SCAPER: variants seen among roughly 807,000 people sequenced by gnomAD.
The protein encoded by SCAPER is S phase cyclin A-associated protein in the endoplasmic reticulum.
A neutral mutation model predicts 182.2 loss-of-function variants in SCAPER; 98 were observed. That is an observed-to-expected ratio of 0.54 (90% CI 0.46 to 0.64). The LOEUF is 0.64. Ranked by LOEUF, SCAPER falls within the 30% of genes least tolerant of loss-of-function variation. SCAPER has a pLI of 0.00. For missense variants in SCAPER, 1,432 were observed against 1,690.0 expected (o/e 0.85, Z 2.68); for synonymous variants, 605 against 564.6 (o/e 1.07, Z -1.01).
intron 15 of SCAPER, among the ~76,000 whole-genome samples, chr15:76,735,697 CA>C (rs34341849): frequency 0.082 from 8,751 of 106,422 alleles, 190 homozygotes; most frequent in Middle Eastern, 0.12. Context: ...GACTCCGTCT[CA>C]AAAAAAAAAA....
chr15:76,393,574 T>G (rs1567049874), intron 27 of SCAPER, among the ~76,000 whole-genome samples: 1 of 152,220 alleles, frequency 6.6e-6, no homozygotes, highest in Non-Finnish European at 1.5e-5. Context: ...AGGCTATATT[T>G]TTCAAGTATA....
intron 23 of SCAPER, among the ~76,000 whole-genome samples, chr15:76,527,776 C>T (rs2043315894): frequency 6.6e-6 from 1 of 152,200 alleles, no homozygotes; most frequent in Admixed American, 6.5e-5. Context: ...ATTTCTAGTC[C>T]ATAGAAATCC....
chr15:76,721,584 T>TA (rs1887072039), intron 17 of SCAPER, among the ~76,000 whole-genome samples: 1 of 152,156 alleles, frequency 6.6e-6, no homozygotes, highest in Non-Finnish European at 1.5e-5. Context: ...CATTTGTTTG[T>TA]GTCCTCTTTT....
intron 21 of SCAPER, among the ~76,000 whole-genome samples, chr15:76,649,219 G>GTATT (rs1401851660): frequency 6.6e-6 from 1 of 152,162 alleles, no homozygotes; most frequent in African/African-American, 2.4e-5. Context: ...CAAGCCTCGA[G>GTATT]TATTTACCCT....
chr15:76,622,801 G>A (rs1157995868), intron 21 of SCAPER, among the ~76,000 whole-genome samples: 1 of 151,990 alleles, frequency 6.6e-6, no homozygotes, highest in East Asian at 1.9e-4. Flanking sequence ...AATTCAATAT[G>A]GTATTATCCC....
At chr15:76,622,018 CA>C (rs1291383807) in intron 21 of SCAPER, among the ~76,000 whole-genome samples, 189 bp from the exon 22 acceptor site, 3 of 151,792 alleles carry the variant, frequency 2.0e-5, no homozygotes, top group South Asian at 2.1e-4. Context: ...AATAATAATA[CA>C]AAAAAAGTCA....
chr15:76,820,613 T>C (rs1239117890), intron 5 of SCAPER, among the ~76,000 whole-genome samples: 5 of 139,038 alleles, frequency 3.6e-5, no homozygotes, highest in Non-Finnish European at 6.3e-5. Flanking sequence ...GGGGGAGGGA[T>C]AGCATCAGGA....
rs563802748 is a variant in SCAPER at position 76,505,390 on chromosome 15, C to A, written c.2839-416G>T. Among the ~76,000 whole-genome samples the A allele has an allele frequency of 1.2e-3, 190 of 152,238 alleles. 2 individuals are homozygous for A. Among genetic ancestry groups the A allele is most frequent in the African/African-American group, 4.5e-3 (186 of 41,544 alleles). On this transcript the variant is annotated intron_variant, in intron 23 of 31. Transcript: ENST00000563290. Reference sequence around the variant, plus strand: ...CCAGAATATATAAGAGCTCAAACAACTCTGTAGGAAAAAATCTAATAATCC... The same window carrying A: ...CCAGAATATATAAGAGCTCAAACAAATCTGTAGGAAAAAATCTAATAATCC...
chr15:76,753,680 G>A (rs2062233750), intron 15 of SCAPER, 128 bp downstream of exon 15: 1 of 1,039,336 alleles, frequency 9.6e-7, no homozygotes. Flanking sequence ...TTTTAAATGA[G>A]TGTGTAAAAT....
chr15:76,886,442 T>G (rs2073844058), intron 1 of SCAPER, among the ~76,000 whole-genome samples: 1 of 152,172 alleles, frequency 6.6e-6, no homozygotes, highest in Non-Finnish European at 1.5e-5. Context: ...GTTGTGCCAC[T>G]GCACTCCAGC....
chr15:76,589,812 A>G (rs2048971367), intron 22 of SCAPER, among the ~76,000 whole-genome samples: 1 of 152,082 alleles, frequency 6.6e-6, no homozygotes, highest in South Asian at 2.1e-4. Context: ...CTGTGAGACA[A>G]GTCAAAAATG....
intron 22 of SCAPER, among the ~76,000 whole-genome samples, chr15:76,605,962 G>A (rs972538637): frequency 6.6e-5 from 10 of 151,718 alleles, no homozygotes; most frequent in African/African-American, 1.5e-4. Context: ...TGATCTTTTC[G>A]AAAAACCAGC....
chr15:76,664,738 G>T (rs778798492), intron 21 of SCAPER, among the ~76,000 whole-genome samples: 1 of 152,096 alleles, frequency 6.6e-6, no homozygotes, highest in Non-Finnish European at 1.5e-5. Flanking sequence ...AAAATACACC[G>T]TAAAACTATT....
chr15:76,821,156 C>T (rs1332120565), intron 5 of SCAPER, among the ~76,000 whole-genome samples: 2 of 152,186 alleles, frequency 1.3e-5, no homozygotes, highest in Non-Finnish European at 2.9e-5. Context: ...AAACTTACAT[C>T]CACACAAAAA....
At chr15:76,649,546 T>C (rs2054842147) in intron 21 of SCAPER, among the ~76,000 whole-genome samples, 1 of 150,684 alleles carries the variant, frequency 6.6e-6, no homozygotes, top group South Asian at 2.1e-4. Context: ...AATATATATA[T>C]ATGCATTTTT....
chr15:76,782,915 CACA>C (rs1412033998), intron 8 of SCAPER, among the ~76,000 whole-genome samples: 2 of 152,222 alleles, frequency 1.3e-5, no homozygotes, highest in African/African-American at 4.8e-5. Flanking sequence ...ACTAAATGCC[CACA>C]AGAGAAAGCA....
At chr15:76,484,082 G>A (rs2051382667) in intron 24 of SCAPER, among the ~76,000 whole-genome samples, 2 of 152,252 alleles carry the variant, frequency 1.3e-5, no homozygotes, top group South Asian at 4.1e-4. Context: ...AAACTTAGAA[G>A]CAACTAAGCT....
chr15:76,899,152 C>T (rs968473450), intron 1 of SCAPER, among the ~76,000 whole-genome samples: 87 of 152,018 alleles, frequency 5.7e-4, no homozygotes, highest in African/African-American at 2.0e-3. Flanking sequence ...TGGATATGCT[C>T]TCCCTCTCCC....
intron 30 of SCAPER, 21 bp downstream of exon 30, chr15:76,353,928 T>TA: frequency 6.6e-7 from 1 of 1,508,276 alleles, no homozygotes; most frequent in Non-Finnish European, 8.8e-7. Context: ...GCTAGACAAT[T>TA]ACGTATAATG....
Sources: allele counts gnomAD v4.1 joint callset (sites outside exome capture counted in the v4.1 genomes callset), GRCh38; gene constraint gnomAD v4.1.1; transcripts MANE v1.5; gene names NCBI Gene and HGNC (gene_info 2026-07-23, HGNC 2026-07-21).